Variants in GPRC5C observed in about 807,000 individuals in gnomAD.
GPRC5C encodes G protein-coupled receptor family C group 5 member C.
GPRC5C carries 22 observed loss-of-function variants against 31.4 expected under a neutral mutation model. The observed-to-expected ratio is 0.70, with a 90% CI of 0.50 to 1.00. The LOEUF is 1.00. GPRC5C is among the 50% of genes least tolerant of loss of function. The pLI, the probability that GPRC5C is intolerant of heterozygous loss-of-function variation, is 0.00. For missense variants in GPRC5C, 557 were observed against 597.2 expected, an observed-to-expected ratio of 0.93 and a Z score of 0.70; for synonymous variants, 249 against 257.5, an observed-to-expected ratio of 0.97 and a Z score of 0.32.
downstream of GPRC5C, among the ~76,000 whole-genome samples, chr17:74,448,291 A>G (rs1210510273): frequency 6.6e-6 from 1 of 152,178 alleles, no homozygotes; most frequent in Admixed American, 6.5e-5. Flanking sequence ...ACAGAGCGAG[A>G]CTCTGTCTCA....
chr17:74,448,264 A>G (rs1164218682), downstream of GPRC5C, among the ~76,000 whole-genome samples: 1 of 152,226 alleles, frequency 6.6e-6, no homozygotes, highest in African/African-American at 2.4e-5. Flanking sequence ...TTGCACCATT[A>G]CACTACTGCC....
chr17:74,445,165 C>G (rs2055606461), intron 3 of GPRC5C: 1 of 152,136 alleles, frequency 6.6e-6, no homozygotes, highest in South Asian at 2.1e-4. Context: ...CCAGAGGATC[C>G]CTTGAACCCG....
At chr17:74,432,252 G>A (rs778761424) in intron 1 of GPRC5C, 111 bp downstream of exon 1, 3 of 1,519,806 alleles carry the variant, frequency 2.0e-6, no homozygotes, top group Non-Finnish European at 2.7e-6. Flanking sequence ...GTGATGTAAC[G>A]GTGATGCAGG....
intron 1 of GPRC5C, chr17:74,432,635 G>A: frequency 1.9e-6 from 1 of 526,624 alleles, no homozygotes; most frequent in South Asian, 8.2e-5. Context: ...TGGGGACGCC[G>A]CGCCAACTCC....
downstream of GPRC5C, among the ~76,000 whole-genome samples, chr17:74,447,841 G>T (rs1474690944): frequency 1.3e-5 from 2 of 152,218 alleles, no homozygotes; most frequent in African/African-American, 4.8e-5. Flanking sequence ...TGACAGTGAA[G>T]ATCCCATAGC....
In GPRC5C at chr17:74,441,000, C is replaced by T. The variant is rs2055530309; in HGVS notation, c.1051+173C>T. ...TAAAGATTTTTTTTTTTCAGTTGGG[C>T]ATGGTAGATCATGCCTGTAATCCTA... On this transcript the variant is annotated intron_variant, in intron 2 of 3. Transcript: ENST00000392627. The surrounding 1 kb of genome is among the most constrained non-coding windows in gnomAD (Gnocchi z 4.4). Among the ~76,000 whole-genome samples the T allele has an allele frequency of 2.0e-5, 3 of 150,848 alleles. No homozygotes were observed. Among genetic ancestry groups the T allele is most frequent in the Admixed American group, 1.3e-4 (2 of 15,146 alleles).
chr17:74,446,733 G>A (rs1231024299), intron 3 of GPRC5C, 116 bp from the exon 4 acceptor site: 2 of 788,598 alleles, frequency 2.5e-6, no homozygotes, highest in Non-Finnish European at 4.1e-6. Flanking sequence ...GAGGAGCCGA[G>A]GGGGGAGTTG....
At chr17:74,433,841 G>T in intron 1 of GPRC5C, 2 of 989,888 alleles carry the variant, frequency 2.0e-6, no homozygotes, top group Non-Finnish European at 3.3e-6. Flanking sequence ...GGTGGAGGGG[G>T]TCTCAGGCTT....
chr17:74,440,944 C>A lies in GPRC5C; in HGVS notation c.1051+117C>A. 1 of 886,932 alleles carries A rather than the reference C, an allele frequency of 1.1e-6. No homozygotes were observed. The highest frequency in any genetic ancestry group is 1.6e-6 in the Non-Finnish European group (1 of 643,020). 54.9% of individuals were successfully genotyped at this position (886,932 alleles called of 1,614,324 possible). On this transcript the variant is annotated intron_variant, in intron 2 of 3. Coordinates refer to ENST00000392627, the MANE Select transcript of GPRC5C (RefSeq NM_022036.4). This position sits in a 1 kb window ranked among gnomAD's most constrained non-coding sequence, Gnocchi z 4.4. ...AGTTTTTGAGGTTTTCTGTAGTTTT[C>A]TGCCTAAGTGTCTCTAAATTCCATT...
chr17:74,434,398 C>T (rs1015379054), intron 1 of GPRC5C, among the ~76,000 whole-genome samples: 28 of 152,314 alleles, frequency 1.8e-4, no homozygotes, highest in Admixed American at 1.6e-3. Flanking sequence ...TGTGTTCAGG[C>T]ACAGCACCAG....
intron 1 of GPRC5C, 152 bp from the exon 2 acceptor site, chr17:74,439,593 G>C (rs543115244): frequency 1.4e-6 from 1 of 693,806 alleles, no homozygotes; most frequent in African/African-American, 1.8e-5. Context: ...GCCTCTCAGG[G>C]GTTCTATGTT....
At chr17:74,448,674 C>T (rs1010522314), downstream of GPRC5C, 7 of 404,580 alleles carry the variant, frequency 1.7e-5, no homozygotes, top group East Asian at 7.1e-5. Flanking sequence ...CCACCACTCT[C>T]GGCCCATCAG....
At chr17:74,444,381 A>G (rs529978288) in intron 3 of GPRC5C, among the ~76,000 whole-genome samples, 5 of 152,328 alleles carry the variant, frequency 3.3e-5, no homozygotes, top group African/African-American at 1.2e-4. Context: ...CCTCTCTGGC[A>G]GGCAGCAAGT....
Position 74,439,881 on chromosome 17 carries a change from C to T in GPRC5C, c.105C>T (p.Leu35=). The part of the protein sequence containing the change: ...GHVPPGCSQG[L]NPLYYNLCDR... ...TCCCACCCGGCTGCAGCCAAGGCCT[C>T]AACCCCCTGTACTACAACCTGTGTG... The change falls in exon 2 of 4, where the codon CTC becomes CTT. Residue 35 remains leucine (L), a synonymous_variant. Coordinates refer to ENST00000392627, the MANE Select transcript of GPRC5C (RefSeq NM_022036.4). The T allele has an allele frequency of 6.2e-7, 1 of 1,613,260 alleles. No individual in the cohort carries two copies. The highest frequency in any genetic ancestry group is 8.5e-7 in the Non-Finnish European group (1 of 1,180,024).
intron 1 of GPRC5C, chr17:74,433,550 G>T: frequency 1.5e-6 from 1 of 682,940 alleles, no homozygotes; most frequent in Admixed American, 2.2e-5. Context: ...GCCCTGCACA[G>T]AGGGGTGAGA....
chr17:74,434,392 T>A (rs765988503), intron 1 of GPRC5C, among the ~76,000 whole-genome samples: 1 of 152,192 alleles, frequency 6.6e-6, no homozygotes, highest in Non-Finnish European at 1.5e-5. Context: ...GCCCACTGTG[T>A]TCAGGCACAG....
chr17:74,443,505 G>T, intron 2 of GPRC5C: 1 of 514,730 alleles, frequency 1.9e-6, no homozygotes, highest in Non-Finnish European at 3.7e-6. Context: ...AGGGCGGATG[G>T]GGATGTGGAA....
intron 2 of GPRC5C, among the ~76,000 whole-genome samples, chr17:74,441,104 G>A (rs537319669): frequency 6.6e-5 from 10 of 151,858 alleles, no homozygotes; most frequent in South Asian, 2.1e-4. Flanking sequence ...GTGAAACCCC[G>A]TCTCTACTAG....
intron 2 of GPRC5C, chr17:74,443,502 A>G: frequency 2.0e-6 from 1 of 503,192 alleles, no homozygotes; most frequent in Non-Finnish European, 3.8e-6. Flanking sequence ...CGGAGGGCGG[A>G]TGGGGATGTG....
Sources: gnomAD v4.1 joint callset for allele counts (sites outside exome capture counted in the v4.1 genomes callset) on GRCh38, gnomAD v4.1.1 for gene constraint, Gnocchi (gnomAD v3.1) non-coding constraint, MANE v1.5 for transcripts, NCBI Gene and HGNC (gene_info 2026-07-23, HGNC 2026-07-21) for gene names.